The following FRYL variants were observed in gnomAD, a reference collection of about 807,000 sequenced individuals.
The protein encoded by FRYL is FRY like transcription coactivator, also known as protein furry homolog-like.
FRYL carries 150 observed loss-of-function variants against 351.2 expected under a neutral mutation model. The ratio of observed to expected loss-of-function variants is 0.43; its 90% confidence interval spans 0.37 to 0.49. The LOEUF (loss-of-function observed/expected upper bound fraction) is 0.49. Among genes scored for constraint, FRYL ranks in the 20% least tolerant of loss-of-function variants. The probability of loss-of-function intolerance (pLI) is 0.00; values close to 1 mark genes in which losing one functional copy is unlikely to be tolerated. For synonymous variants in FRYL, 1,153 were observed against 1,257.1 expected (o/e 0.92, Z 1.75); for missense variants, 3,036 against 3,619.3 (o/e 0.84, Z 4.13).
rs1335817041 is a variant in FRYL at position 48,498,125 on chromosome 4, G to T, written c.*1297C>A. ...CAAAATGCGATTTTAGAAAAGGATA[G>T]AGACTCCAGTTCATGTTATACTACA... On this transcript the variant is annotated 3_prime_UTR_variant, in exon 64 of 64. Coordinates refer to ENST00000358350, the MANE Select transcript of FRYL (RefSeq NM_015030.2). 3 of 149,638 alleles carry T rather than the reference G, an allele frequency of 2.0e-5. No individual in the cohort carries two copies. The highest frequency in any genetic ancestry group is 7.4e-5 in the African/African-American group (3 of 40,488). The allele number at this position is 149,638 out of a possible 1,614,324, so 9.3% of individuals were successfully genotyped here. A position where few individuals can be genotyped will look rare whatever the true frequency, so the allele number is the denominator to read the frequency against.
chr4:48,500,234 ATCT>A lies in FRYL; in HGVS notation c.8593-17_8593-15del. 1 of 1,509,426 alleles carries A rather than the reference ATCT, an allele frequency of 6.6e-7. No individual in the cohort carries two copies. The highest frequency in any genetic ancestry group is 1.3e-5 in the South Asian group (1 of 78,472). The allele number at this position is 1,509,426 out of a possible 1,614,324, so 93.5% of individuals were successfully genotyped here. ...CATGTTGATGACCTAAAACAAATAC[ATCT>A]TTAAGGATCTATTCGTATGTTTGGT... On this transcript the variant is annotated splice_polypyrimidine_tract_variant and intron_variant, in intron 62 of 63. Transcript: ENST00000358350.
intron 7 of FRYL, 187 bp downstream of exon 7, chr4:48,619,083 AAAAT>A (rs1224654175): frequency 2.3e-6 from 1 of 433,658 alleles, no homozygotes; most frequent in African/African-American, 2.0e-5. Context: ...ACAAAGGTAA[AAAAT>A]AGAGGAGATA....
intron 49 of FRYL, among the ~76,000 whole-genome samples, chr4:48,533,954 C>T (rs1728298384): frequency 1.3e-5 from 2 of 152,260 alleles, no homozygotes; most frequent in South Asian, 2.1e-4. Flanking sequence ...AGGCCAGGCA[C>T]GGTGGCTCAC....
In FRYL at chr4:48,556,885, C is replaced by G. The variant is rs1370275976; in HGVS notation, c.4266+93G>C. 5.0e-6 allele frequency: 6 copies of G among 1,189,008 alleles called. No individual in the cohort carries two copies. The African/African-American group carries it at 9.1e-5, about 18-fold the overall frequency. 73.7% of individuals were successfully genotyped at this position (1,189,008 alleles called of 1,614,324 possible). A position where few individuals can be genotyped will look rare whatever the true frequency, so the allele number is the denominator to read the frequency against. On this transcript the variant is annotated intron_variant, in intron 35 of 63. Coordinates refer to ENST00000358350, the MANE Select transcript of FRYL (RefSeq NM_015030.2). ...CATCCCGGCCCTTGCCTTGCCTTGCCTCTCCTGGGCAACTGCTGCCCATAC... is the reference window on the plus strand; with the variant it reads ...CATCCCGGCCCTTGCCTTGCCTTGCGTCTCCTGGGCAACTGCTGCCCATAC...
intron 21 of FRYL, 93 bp from the exon 22 acceptor site, chr4:48,581,044 ATTTTTTT>A: frequency 1.4e-5 from 7 of 505,082 alleles, no homozygotes; most frequent in East Asian, 3.5e-5. Flanking sequence ...CTTCAGCACT[ATTTTTTT>A]TTTTTTTTTT....
At chr4:48,776,153 T>C (rs1775997475) in intron 1 of FRYL, among the ~76,000 whole-genome samples, 1 of 142,616 alleles carries the variant, frequency 7.0e-6, no homozygotes, top group African/African-American at 2.6e-5. Context: ...TTTTCGTTTC[T>C]TTTTTTTTTT....
intron 3 of FRYL, among the ~76,000 whole-genome samples, chr4:48,658,159 A>ATAT (rs56175201): frequency 0.99 from 150,475 of 152,228 alleles, 74,390 homozygotes; most frequent in East Asian, 1. Flanking sequence ...TTAACTAGAA[A>ATAT]TATGCAATTG....
Position 48,556,974 on chromosome 4 carries a change from A to T in FRYL, c.4266+4T>A. On this transcript the variant is annotated splice_donor_region_variant and intron_variant, in intron 35 of 63. Transcript: ENST00000358350. ...TTTAAAATTAAATGAACTTGAATAC[A>T]TACGTAAGGCAAGAGGCTTGGTTCG... The T allele has an allele frequency of 6.4e-7, 1 of 1,566,904 alleles. No individual in the cohort carries two copies. The highest frequency in any genetic ancestry group is 8.7e-7 in the Non-Finnish European group (1 of 1,150,942).
chr4:48,575,685 G>C (rs955131790), intron 24 of FRYL, among the ~76,000 whole-genome samples: 1 of 152,124 alleles, frequency 6.6e-6, no homozygotes, highest in Non-Finnish European at 1.5e-5. Context: ...TTCTAGAAAG[G>C]CGTTTAATTA....
intron 1 of FRYL, among the ~76,000 whole-genome samples, chr4:48,730,183 A>G (rs1159242134): frequency 1.3e-5 from 2 of 152,124 alleles, no homozygotes; most frequent in South Asian, 2.1e-4. Flanking sequence ...AAAATTAGAG[A>G]AAAAAAGAGT....
chr4:48,627,672 C>T (rs1255297705), intron 4 of FRYL, among the ~76,000 whole-genome samples: 1 of 152,136 alleles, frequency 6.6e-6, no homozygotes, highest in African/African-American at 2.4e-5. Flanking sequence ...AGATATACTA[C>T]ACTAAATATA....
chr4:48,595,650 A>G lies in FRYL; in HGVS notation c.1188T>C (p.Ser396=), dbSNP rs757346775. The change falls in exon 15 of 64, where the codon AGT becomes AGC. Residue 396 remains serine, a synonymous_variant. Transcript: ENST00000358350. The stretch of plus-strand genomic sequence containing the variant: ...TGAGAGGTGTGTCACGAGGAACCAC[A>G]CTTCGTGAGCCTTTTGGAAAAAGTG... ...VSALFPKGSR[S]VVPRDTPLNI... is the part of the protein sequence containing the mutation. 3 of 1,613,520 alleles carry G rather than the reference A, an allele frequency of 1.9e-6. No homozygotes were observed. In the Admixed American group the frequency reaches 5.0e-5, roughly 27 times the overall value.
intron 2 of FRYL, among the ~76,000 whole-genome samples, chr4:48,696,844 A>G (rs1327567653): frequency 7.5e-6 from 1 of 133,382 alleles, no homozygotes; most frequent in Non-Finnish European, 1.6e-5. Flanking sequence ...TAACGATAAG[A>G]GATCTATCTA....
intron 20 of FRYL, 54 bp downstream of exon 20, chr4:48,582,443 T>C: frequency 3.8e-6 from 4 of 1,052,568 alleles, no homozygotes; most frequent in South Asian, 2.7e-5. Flanking sequence ...AAAACCATTA[T>C]TGGTCATTTA....
chr4:48,582,283 C>G (rs966968868), intron 20 of FRYL, among the ~76,000 whole-genome samples: 1 of 152,054 alleles, frequency 6.6e-6, no homozygotes, highest in African/African-American at 2.4e-5. Flanking sequence ...TCATTAAAAA[C>G]CCAAAGAAGA....
chr4:48,737,292 G>A (rs1366669277), intron 1 of FRYL, among the ~76,000 whole-genome samples: 1 of 150,998 alleles, frequency 6.6e-6, no homozygotes, highest in African/African-American at 2.4e-5. Context: ...GAGAAAGAGG[G>A]GACAACCAAT....
At chr4:48,559,689 A>C in intron 33 of FRYL, among the ~76,000 whole-genome samples, 1 of 24,592 alleles carries the variant, frequency 4.1e-5, no homozygotes, top group East Asian at 1.4e-3. Flanking sequence ...GGAGGGGGAT[A>C]GGGGGTGGGG....
At chr4:48,676,278 G>A (rs572424731) in intron 3 of FRYL, among the ~76,000 whole-genome samples, 1 of 152,272 alleles carries the variant, frequency 6.6e-6, no homozygotes, top group South Asian at 2.1e-4. Flanking sequence ...CTGCTTTTAT[G>A]AGCTGTAACA....
intron 55 of FRYL, among the ~76,000 whole-genome samples, chr4:48,516,438 T>C (rs1336747407): frequency 1.3e-5 from 2 of 152,214 alleles, no homozygotes; most frequent in African/African-American, 2.4e-5. Flanking sequence ...AGTTTATTGG[T>C]TTAATCAATT....
Sources: gnomAD v4.1 joint callset for allele counts (sites outside exome capture counted in the v4.1 genomes callset) on GRCh38, gnomAD v4.1.1 for gene constraint, MANE v1.5 for transcripts, NCBI Gene and HGNC (gene_info 2026-07-23, HGNC 2026-07-21) for gene names.